The following STAG1 variants were observed in gnomAD, a reference collection of about 807,000 sequenced individuals.
The protein encoded by STAG1 is STAG1 cohesin complex component, also known as cohesin subunit SA-1.
Under a neutral mutation model 170.9 loss-of-function variants are expected in STAG1, and 26 were observed. The observed-to-expected ratio is 0.15, with a 90% CI of 0.11 to 0.21. The LOEUF is 0.21. STAG1 is among the 10% of genes least tolerant of loss of function. The pLI, the probability that STAG1 is intolerant of heterozygous loss-of-function variation, is 1.00. For missense variants in STAG1, 964 were observed against 1,509.5 expected (o/e 0.64, Z 5.99); for synonymous variants, 514 against 497.7 (o/e 1.03, Z -0.44).
chr3:136,462,113 C>T (rs1206787659), intron 13 of STAG1, among the ~76,000 whole-genome samples: 2 of 152,032 alleles, frequency 1.3e-5, no homozygotes, highest in Non-Finnish European at 2.9e-5. Flanking sequence ...TAAATTAGTA[C>T]AGCAACAGTG....
intron 1 of STAG1, among the ~76,000 whole-genome samples, chr3:136,735,520 T>C (rs1934284410): frequency 6.6e-6 from 1 of 152,086 alleles, no homozygotes; most frequent in African/African-American, 2.4e-5. Context: ...CACTGGAACC[T>C]CCGCCTCCTG....
intron 3 of STAG1, among the ~76,000 whole-genome samples, chr3:136,614,559 T>G (rs867170231): frequency 6.6e-6 from 1 of 152,248 alleles, no homozygotes; most frequent in Non-Finnish European, 1.5e-5. Context: ...TAATCTTCAC[T>G]GTTCCTATAT....
In STAG1 at chr3:136,633,962, TAAAAAAAAAAAA is replaced by T. The variant is rs67810422; in HGVS notation, c.-83-2993_-83-2982del. Among the ~76,000 whole-genome samples, 19 of 50,356 alleles carry T rather than the reference TAAAAAAAAAAAA, an allele frequency of 3.8e-4. 1 individual carries two copies. Among genetic ancestry groups the T allele is most frequent in the South Asian group, 1.3e-3 (1 of 778 alleles). 33.0% of individuals were successfully genotyped at this position (50,356 alleles called of 152,430 possible). A position where few individuals can be genotyped will look rare whatever the true frequency, so the allele number is the denominator to read the frequency against. The stretch of plus-strand genomic sequence containing the variant: ...AACATGGTGAAACCCTGTCTCTACT[TAAAAAAAAAAAA>T]AAAAAAAAAAAAAAAAATTAGCCAG... On this transcript the variant is annotated intron_variant, in intron 1 of 33. Transcript: ENST00000383202.
intron 1 of STAG1, among the ~76,000 whole-genome samples, chr3:136,684,189 T>C (rs1360068122): frequency 6.6e-6 from 1 of 152,332 alleles, no homozygotes; most frequent in East Asian, 1.9e-4. Flanking sequence ...TCTGGTTTAC[T>C]GAAGAGGCCA....
intron 1 of STAG1, among the ~76,000 whole-genome samples, chr3:136,695,415 C>T (rs1942854780): frequency 6.8e-6 from 1 of 147,938 alleles, no homozygotes; most frequent in South Asian, 2.1e-4. Flanking sequence ...CCAGCCTGGG[C>T]AACAGAGTGA....
chr3:136,344,169 C>G (rs1233995024), intron 29 of STAG1, among the ~76,000 whole-genome samples, 163 bp from the exon 30 acceptor site: 3 of 152,212 alleles, frequency 2.0e-5, no homozygotes, highest in Admixed American at 1.3e-4. Flanking sequence ...CATTAAACTT[C>G]CAAAGTTGAG....
rs777408893 is a variant in STAG1, at chr3:136,477,714, A to T, written c.903-302T>A. Among the ~76,000 whole-genome samples, 11 of 152,220 alleles carry T rather than the reference A, an allele frequency of 7.2e-5. No homozygotes were observed. In the South Asian group the frequency reaches 1.4e-3, roughly 20 times the overall value. Reference sequence around the variant, plus strand: ...CACAACTATTACAGAGCCAAGAAACATGTTAAACTTTCTAAGAAAATCAGA... The same window carrying T: ...CACAACTATTACAGAGCCAAGAAACTTGTTAAACTTTCTAAGAAAATCAGA... On this transcript the variant is annotated intron_variant, in intron 9 of 33. Coordinates refer to ENST00000383202, the MANE Select transcript of STAG1 (RefSeq NM_005862.3).
intron 1 of STAG1, among the ~76,000 whole-genome samples, chr3:136,742,528 C>A (rs1934720609): frequency 6.6e-6 from 1 of 151,918 alleles, no homozygotes; most frequent in Admixed American, 6.6e-5. Context: ...GCCTAGCTAA[C>A]ATGGCAAAAC....
At chr3:136,598,542 T>G (rs1321129050) in intron 4 of STAG1, among the ~76,000 whole-genome samples, 1 of 151,994 alleles carries the variant, frequency 6.6e-6, no homozygotes, top group Non-Finnish European at 1.5e-5. Context: ...TTCTCCTGCC[T>G]CAGCCTCCCA....
At chr3:136,676,946 T>C (rs944594948) in intron 1 of STAG1, among the ~76,000 whole-genome samples, 3 of 152,136 alleles carry the variant, frequency 2.0e-5, no homozygotes, top group South Asian at 2.1e-4. Context: ...GGATCATCAA[T>C]ATCACTGCCT....
At chr3:136,648,753 T>C (rs150896716) in intron 1 of STAG1, among the ~76,000 whole-genome samples, 2 of 152,260 alleles carry the variant, frequency 1.3e-5, no homozygotes, top group African/African-American at 4.8e-5. Flanking sequence ...GTATGTTAAA[T>C]CCATCCCTTC....
At chr3:136,581,890 A>G (rs12635723) in intron 4 of STAG1, among the ~76,000 whole-genome samples, 111,827 of 151,964 alleles carry the variant, frequency 0.74, 41,353 homozygotes, top group East Asian at 0.86. Flanking sequence ...CATAAGCCTA[A>G]ACCAAACACC....
At chr3:136,490,007 C>G (rs1037911097) in intron 9 of STAG1, among the ~76,000 whole-genome samples, 2 of 152,064 alleles carry the variant, frequency 1.3e-5, no homozygotes, top group African/African-American at 2.4e-5. Flanking sequence ...TTATTTCAGG[C>G]TTACTAGAGT....
intron 6 of STAG1, among the ~76,000 whole-genome samples, chr3:136,539,674 T>C (rs1935799158): frequency 2.0e-5 from 3 of 152,226 alleles, no homozygotes; most frequent in Admixed American, 2.0e-4. Context: ...AGTGTATGTA[T>C]TGACTGAACA....
chr3:136,704,750 G>A (rs146165322), intron 1 of STAG1, among the ~76,000 whole-genome samples: 54 of 147,722 alleles, frequency 3.7e-4, no homozygotes, highest in African/African-American at 1.3e-3. Flanking sequence ...AATCGCTTGA[G>A]CCTGGGGGGT....
At chr3:136,484,568 G>GAGGC (rs1352684905) in intron 9 of STAG1, among the ~76,000 whole-genome samples, 1 of 145,642 alleles carries the variant, frequency 6.9e-6, no homozygotes, top group Non-Finnish European at 1.5e-5. Context: ...GGAGCCTACA[G>GAGGC]AGGCAGGCAG....
chr3:136,635,521 A>G (rs1940516537), intron 1 of STAG1, among the ~76,000 whole-genome samples: 1 of 152,238 alleles, frequency 6.6e-6, no homozygotes, highest in Non-Finnish European at 1.5e-5. Flanking sequence ...CATGTAATGG[A>G]GAGAAACTCA....
chr3:136,686,168 T>C (rs1017336990), intron 1 of STAG1, among the ~76,000 whole-genome samples: 4 of 152,242 alleles, frequency 2.6e-5, no homozygotes, highest in African/African-American at 7.2e-5. Flanking sequence ...AGGCACTTTA[T>C]GCTCTGAGTG....
At position 136,521,274 on chromosome 3, in the gene STAG1, G is replaced by T. The variant is rs780010867; in HGVS notation, c.615C>A (p.Ser205=). The T allele has an allele frequency of 6.2e-7, 1 of 1,613,668 alleles. No homozygotes were observed. Residue 205 remains serine, a synonymous_variant, in exon 7 of 34, where the codon TCC becomes TCA. Coordinates refer to ENST00000383202, the MANE Select transcript of STAG1 (RefSeq NM_005862.3). ...YDEYMMDTVI[S]LLTGLSDSQV... Reference sequence around the variant, plus strand: ...GGGAGTCTGACAAACCCGTCAAAAGGGAGATTACTGTGTCCATCATATACT... The same window carrying T: ...GGGAGTCTGACAAACCCGTCAAAAGTGAGATTACTGTGTCCATCATATACT...
Sources: gnomAD v4.1 joint callset for allele counts (sites outside exome capture counted in the v4.1 genomes callset) on GRCh38, gnomAD v4.1.1 for gene constraint, MANE v1.5 for transcripts, NCBI Gene and HGNC (gene_info 2026-07-23, HGNC 2026-07-21) for gene names.